The following FSCN3 variants were observed in gnomAD, a reference collection of about 807,000 sequenced individuals.
FSCN3 encodes fascin actin-bundling protein 3.
FSCN3 carries 43 observed loss-of-function variants against 53.5 expected under a neutral mutation model. The ratio of observed to expected loss-of-function variants is 0.80; its 90% CI spans 0.63 to 1.04. The LOEUF is 1.04. FSCN3 is among the 50% of genes least tolerant of loss of function. FSCN3 has a pLI of 0.00. For missense variants in FSCN3, 594 were observed against 646.5 expected, an observed-to-expected ratio of 0.92 and a Z score of 0.88; for synonymous variants, 235 against 246.6, an observed-to-expected ratio of 0.95 and a Z score of 0.44.
In FSCN3 at chr7:127,594,073, T is replaced by C. The variant is rs1320229056; in HGVS notation, c.144+76T>C. 1.1e-5 allele frequency: 17 copies of C among 1,508,314 alleles called. No homozygotes were observed. The Admixed American group carries it at 2.1e-4, about 19-fold the overall frequency. 93.4% of individuals were successfully genotyped at this position (1,508,314 alleles called of 1,614,324 possible). On this transcript the variant is annotated intron_variant, in intron 1 of 6. Transcript: ENST00000265825. ...GTGTGTGTGTGTGCGCGCGCGCGTGTGTGTGCGTGAGTGTATGTGTGTGTG... is the reference window on the plus strand; with the variant it reads ...GTGTGTGTGTGTGCGCGCGCGCGTGCGTGTGCGTGAGTGTATGTGTGTGTG...
Position 127,595,770 on chromosome 7 carries a change from A to T in FSCN3, c.608A>T (p.Asp203Val). 1 of 1,613,960 alleles carries T rather than the reference A, an allele frequency of 6.2e-7. No individual in the cohort carries two copies. Among genetic ancestry groups the T allele is most frequent in the Non-Finnish European group, 8.5e-7 (1 of 1,179,874 alleles). ...TSTHHFLSHV[D>V]RLFSQPSSQT... ...ACACACCACTTCTTGTCCCATGTAG[A>T]CCGGCTGTTCTCCCAACCCTCATCA... The change falls in exon 2 of 7, where the codon GAC becomes GTC. Residue 203 changes from aspartate (D) to valine (V), a missense_variant. Physicochemically the swap from Asp to Val is radical, Grantham distance 152 (BLOSUM62 -3). Coordinates refer to ENST00000265825, the MANE Select transcript of FSCN3 (RefSeq NM_020369.3).
chr7:127,597,778 T>G (rs764917879), intron 3 of FSCN3, among the ~76,000 whole-genome samples: 59 of 152,328 alleles, frequency 3.9e-4, no homozygotes, highest in Non-Finnish European at 7.8e-4. Flanking sequence ...GTGCCCGTTT[T>G]CATGTGCTCA....
At chr7:127,595,225 A>AC in intron 1 of FSCN3, 82 bp from the exon 2 acceptor site, 1 of 1,255,516 alleles carries the variant, frequency 8.0e-7, no homozygotes, top group South Asian at 1.4e-5. Flanking sequence ...CCAGGGTGAT[A>AC]CCAGCCATGA....
intron 1 of FSCN3, chr7:127,594,548 CAGAA>C (rs920121026): frequency 4.2e-5 from 20 of 470,866 alleles, no homozygotes; most frequent in Middle Eastern, 3.2e-4. Context: ...GTGGTTGTGT[CAGAA>C]AGAGGAGAAG....
intron 1 of FSCN3, chr7:127,594,825 T>C (rs965175861): frequency 1.1e-5 from 5 of 471,994 alleles, no homozygotes; most frequent in Non-Finnish European, 2.2e-5. Flanking sequence ...CTGTTCATGC[T>C]CCCATCTTCA....
intron 1 of FSCN3, among the ~76,000 whole-genome samples, 174 bp downstream of exon 1, chr7:127,594,171 T>TGC (rs1374373192): frequency 1.4e-5 from 2 of 147,606 alleles, no homozygotes; most frequent in Non-Finnish European, 3.0e-5. Context: ...TGTGTGTGTG[T>TGC]GTGTGTGTGT....
chr7:127,600,170 C>T, intron 5 of FSCN3, 24 bp from the exon 6 acceptor site: 1 of 1,405,646 alleles, frequency 7.1e-7, no homozygotes, highest in Non-Finnish European at 1.0e-6. Flanking sequence ...AATGGCCCAC[C>T]AACCTGAGCT....
chr7:127,594,085 T>A lies in FSCN3; in HGVS notation c.144+88T>A, dbSNP rs1562955215. The A allele has an allele frequency of 1.9e-5, 22 of 1,175,778 alleles. No homozygotes were observed. The South Asian group carries it at 2.0e-4, about 11-fold the overall frequency. The allele number at this position is 1,175,778 out of a possible 1,614,324, so 72.8% of individuals were successfully genotyped here. A position where few individuals can be genotyped will look rare whatever the true frequency, so the allele number is the denominator to read the frequency against. ...GCGCGCGCGCGTGTGTGTGCGTGAG[T>A]GTATGTGTGTGTGTGTGTGTATGTA... On this transcript the variant is annotated intron_variant, in intron 1 of 6. Transcript: ENST00000265825.
chr7:127,601,416 A>C (rs1478827521), intron 6 of FSCN3, among the ~76,000 whole-genome samples: 1 of 152,154 alleles, frequency 6.6e-6, no homozygotes, highest in Non-Finnish European at 1.5e-5. Flanking sequence ...TTTGTTTTTT[A>C]CATCACACAG....
Position 127,595,965 on chromosome 7 carries a change from T to C in FSCN3, c.803T>C (p.Leu268Pro). ...ILQHCPTWVS[L>P]RSKTGRFISV... ...CAGCACTGCCCAACCTGGGTCAGCC[T>C]CAGGTCAAAGACTGGGCGGTTCATC... Residue 268 changes from leucine to proline, a missense_variant, in exon 2 of 7, where the codon CTC becomes CCC. Physicochemically the swap from Leu to Pro is moderately conservative, Grantham distance 98. Transcript: ENST00000265825. 1 of 1,578,200 alleles carries C rather than the reference T, an allele frequency of 6.3e-7. No homozygotes were observed. The highest frequency in any genetic ancestry group is 8.6e-7 in the Non-Finnish European group (1 of 1,160,916).
intron 3 of FSCN3, 37 bp downstream of exon 3, chr7:127,596,483 G>T: frequency 2.1e-6 from 2 of 945,388 alleles, no homozygotes; most frequent in South Asian, 2.7e-5. Flanking sequence ...GAAACCTTAA[G>T]CTCTGAGCTC....
rs751135240 is a variant in FSCN3, at chr7:127,595,830, G to A, written c.668G>A (p.Gly223Glu). 6 of 1,613,652 alleles carry A rather than the reference G, an allele frequency of 3.7e-6. No homozygotes were observed. The highest frequency in any genetic ancestry group is 4.2e-6 in the Non-Finnish European group (5 of 1,179,742). Reference protein sequence around the residue: ...TAFHMQVRPGGLVALCDGEGG... With the variant: ...TAFHMQVRPGELVALCDGEGG... ...TTTCACATGCAAGTGCGGCCTGGAG[G>A]GCTTGTGGCACTGTGTGATGGAGAA... is the stretch of plus-strand genomic sequence containing the variant. Residue 223 changes from glycine (G) to glutamate (E), a missense_variant, in exon 2 of 7, where the codon GGG (glycine) becomes GAG (glutamate). Gly to Glu is a moderately conservative substitution (Grantham distance 98). Coordinates refer to ENST00000265825, the MANE Select transcript of FSCN3 (RefSeq NM_020369.3).
chr7:127,599,563 C>T lies in FSCN3; in HGVS notation c.1291+12C>T. ...CTACCACTTCCAGGGTGAGTGGCTC[C>T]TCTTCCCTGCCCAAGGGTTCACAGT... On this transcript the variant is annotated intron_variant, in intron 5 of 6. Coordinates refer to ENST00000265825, the MANE Select transcript of FSCN3 (RefSeq NM_020369.3). 6.2e-7 allele frequency: 1 copy of T among 1,613,012 alleles called. No individual in the cohort carries two copies. Among genetic ancestry groups the T allele is most frequent in the Non-Finnish European group, 8.5e-7 (1 of 1,179,182 alleles).
chr7:127,597,737 C>T (rs1054701264), intron 3 of FSCN3, among the ~76,000 whole-genome samples: 5 of 152,186 alleles, frequency 3.3e-5, no homozygotes, highest in African/African-American at 1.2e-4. Context: ...GTCAGCCTCC[C>T]AAAGTGCTGG....
intron 6 of FSCN3, among the ~76,000 whole-genome samples, chr7:127,600,724 T>C (rs1794461224): frequency 6.6e-6 from 1 of 152,150 alleles, no homozygotes; most frequent in Non-Finnish European, 1.5e-5. Context: ...TTTCACTCTA[T>C]TTTTAGGGAA....
chr7:127,599,617 C>A, intron 5 of FSCN3, 66 bp downstream of exon 5: 1 of 1,459,110 alleles, frequency 6.9e-7, no homozygotes, highest in East Asian at 2.3e-5. Context: ...CCAGCTCAGA[C>A]TTCAGGGCCT....
At chr7:127,597,505 G>T (rs1221113201) in intron 3 of FSCN3, among the ~76,000 whole-genome samples, 1 of 146,066 alleles carries the variant, frequency 6.8e-6, no homozygotes, top group Non-Finnish European at 1.5e-5. Flanking sequence ...TTGAGATGAA[G>T]TCTTGCTCTG....
At chr7:127,598,308 A>C (rs2117431564) in intron 3 of FSCN3, 127 bp from the exon 4 acceptor site, 1 of 864,138 alleles carries the variant, frequency 1.2e-6, no homozygotes, top group East Asian at 2.5e-5. Context: ...TGAAAGCATC[A>C]ACTCTGGGAG....
At chr7:127,599,194 C>T (rs911531951) in intron 4 of FSCN3, among the ~76,000 whole-genome samples, 187 bp from the exon 5 acceptor site, 13 of 152,130 alleles carry the variant, frequency 8.5e-5, no homozygotes, top group Admixed American at 7.2e-4. Flanking sequence ...TCTTGGGTTT[C>T]GCATGTGCTA....
Sources: gnomAD v4.1 joint callset for allele counts (sites outside exome capture counted in the v4.1 genomes callset) on GRCh38, gnomAD v4.1.1 for gene constraint, MANE v1.5 for transcripts, NCBI Gene and HGNC (gene_info 2026-07-23, HGNC 2026-07-21) for gene names.